Variants in DAB1 observed in about 807,000 individuals in gnomAD.
DAB1 encodes DAB adaptor protein 1, also known as disabled homolog 1.
In DAB1, 15 loss-of-function variants were observed where a neutral mutation model predicts 64.6. The ratio of observed to expected loss-of-function variants is 0.23; its 90% CI spans 0.16 to 0.36. The LOEUF is 0.36. Ranked by LOEUF, DAB1 falls within the 10% of genes least tolerant of loss-of-function variation. The pLI is 1.00. For missense variants in DAB1, 596 were observed against 706.7 expected, an observed-to-expected ratio of 0.84 and a Z score of 1.78; for synonymous variants, 235 against 251.9, an observed-to-expected ratio of 0.93 and a Z score of 0.64.
intron 6 of DAB1, among the ~76,000 whole-genome samples, chr1:57,665,309 T>C (rs1216271656): frequency 1.3e-5 from 2 of 152,120 alleles, no homozygotes; most frequent in African/African-American, 4.8e-5. Flanking sequence ...TTAAAACCTA[T>C]TAAGTTAGCA....
At chr1:57,677,238 G>T (rs1219695045) in intron 6 of DAB1, among the ~76,000 whole-genome samples, 1 of 152,152 alleles carries the variant, frequency 6.6e-6, no homozygotes, top group Non-Finnish European at 1.5e-5. Flanking sequence ...AGAACTTTGA[G>T]AAAAATAAAA....
chr1:57,042,856 T>TACATACACACAC (rs1647966098), intron 9 of DAB1, among the ~76,000 whole-genome samples: 2 of 151,154 alleles, frequency 1.3e-5, no homozygotes, highest in Admixed American at 1.3e-4. Context: ...CACACACACA[T>TACATACACACAC]ACATACACAC....
intron 2 of DAB1, among the ~76,000 whole-genome samples, chr1:57,218,420 T>C (rs1666586928): frequency 6.7e-6 from 1 of 148,590 alleles, no homozygotes; most frequent in South Asian, 2.1e-4. Flanking sequence ...GTGGCTCGCA[T>C]CTGCAATCCC....
chr1:57,838,289 C>T (rs1384757696), intron 1 of DAB1, among the ~76,000 whole-genome samples: 1 of 152,016 alleles, frequency 6.6e-6, no homozygotes, highest in Non-Finnish European at 1.5e-5. Flanking sequence ...TAAATATAAT[C>T]CCAATATTTT....
In DAB1 at chr1:58,186,680, A is replaced by G. The variant is rs376064019; in HGVS notation, n.310-36092T>C. Among the ~76,000 whole-genome samples the G allele has an allele frequency of 5.2e-4, 79 of 152,354 alleles. No homozygotes were observed. The Middle Eastern group carries it at 0.01, about 20-fold the overall frequency. On this transcript the variant is annotated intron_variant and non_coding_transcript_variant, in intron 4 of 20. Transcript: ENST00000485760. The stretch of plus-strand genomic sequence containing the variant: ...AACCCTAAAACTCAGTAAATTATTT[A>G]GTGTGAGAGTCATCTACATGGTTCT...
intron 9 of DAB1, among the ~76,000 whole-genome samples, chr1:57,056,538 A>T (rs1195370500): frequency 6.6e-6 from 1 of 151,662 alleles, no homozygotes; most frequent in Admixed American, 6.6e-5. Context: ...AAGAAAAGAA[A>T]AGAAAACAAA....
intron 4 of DAB1, among the ~76,000 whole-genome samples, chr1:58,327,379 T>C (rs1662858547): frequency 6.6e-6 from 1 of 152,146 alleles, no homozygotes; most frequent in Non-Finnish European, 1.5e-5. Context: ...TATAGAACTG[T>C]CAGGCCCAGC....
chr1:57,582,336 T>C (rs1276594696), intron 7 of DAB1, among the ~76,000 whole-genome samples: 6 of 152,058 alleles, frequency 3.9e-5, no homozygotes. Context: ...CTCCAGACAT[T>C]TATCAAACAA....
downstream of DAB1, among the ~76,000 whole-genome samples, chr1:57,823,412 T>C (rs933674359): frequency 2.6e-5 from 4 of 151,998 alleles, no homozygotes; most frequent in African/African-American, 9.7e-5. Context: ...GGAAGGGGAA[T>C]TGATGGCACA....
At chr1:57,056,277 T>C (rs1649742593) in intron 9 of DAB1, among the ~76,000 whole-genome samples, 1 of 150,586 alleles carries the variant, frequency 6.6e-6, no homozygotes, top group African/African-American at 2.5e-5. Flanking sequence ...GGTGGGAGGA[T>C]TGCTTCGGGC....
chr1:57,677,205 C>T (rs1227098287), intron 6 of DAB1, among the ~76,000 whole-genome samples: 2 of 152,152 alleles, frequency 1.3e-5, no homozygotes, highest in Admixed American at 6.5e-5. Context: ...CTGATGATAC[C>T]TTGATCTTGG....
chr1:58,434,928 A>G (rs928356662), intron 3 of DAB1, among the ~76,000 whole-genome samples: 1 of 152,138 alleles, frequency 6.6e-6, no homozygotes, highest in Non-Finnish European at 1.5e-5. Context: ...CTTCCTCCAA[A>G]ACCATCAAAG....
intron 7 of DAB1, among the ~76,000 whole-genome samples, chr1:57,642,392 TGTGTTGACCA>T (rs898245920): frequency 1.3e-5 from 2 of 152,194 alleles, no homozygotes; most frequent in Non-Finnish European, 2.9e-5. Context: ...GTAGGGAGCC[TGTGTTGACCA>T]GGTGCCCTGG....
At chr1:57,234,121 T>C (rs1422423329) in intron 2 of DAB1, among the ~76,000 whole-genome samples, 2 of 152,224 alleles carry the variant, frequency 1.3e-5, no homozygotes, top group South Asian at 2.1e-4. Flanking sequence ...CCAGGTACTA[T>C]TGCTTGTACA....
At chr1:57,207,905 C>T (rs1441556650) in intron 2 of DAB1, among the ~76,000 whole-genome samples, 1 of 152,110 alleles carries the variant, frequency 6.6e-6, no homozygotes, top group African/African-American at 2.4e-5. Context: ...GCTGACTTGT[C>T]AGGTCACATA....
chr1:57,380,127 C>T (rs1192623133), intron 1 of DAB1, among the ~76,000 whole-genome samples: 1 of 152,152 alleles, frequency 6.6e-6, no homozygotes, highest in Non-Finnish European at 1.5e-5. Context: ...CAGGCGCATT[C>T]ATTATTTCCT....
At chr1:58,322,647 G>A (rs1662714331) in intron 4 of DAB1, among the ~76,000 whole-genome samples, 1 of 152,218 alleles carries the variant, frequency 6.6e-6, no homozygotes, top group Admixed American at 6.5e-5. Context: ...TGTTGGGAGT[G>A]TAAACTAGTT....
intron 3 of DAB1, among the ~76,000 whole-genome samples, chr1:58,489,327 A>G (rs1235934600): frequency 6.6e-6 from 1 of 152,204 alleles, no homozygotes; most frequent in Non-Finnish European, 1.5e-5. Flanking sequence ...TCCTACGCCC[A>G]CAGAGCCTCG....
chr1:57,877,985 T>C (rs1414791527), intron 1 of DAB1, among the ~76,000 whole-genome samples: 1 of 152,220 alleles, frequency 6.6e-6, no homozygotes, highest in Admixed American at 6.5e-5. Context: ...GGTTCACTCT[T>C]AATATCTTAA....
Sources: allele counts gnomAD v4.1 joint callset (sites outside exome capture counted in the v4.1 genomes callset), GRCh38; gene constraint gnomAD v4.1.1; transcripts MANE v1.5; gene names NCBI Gene and HGNC (gene_info 2026-07-23, HGNC 2026-07-21).